The following PRKDC variants were observed in gnomAD, a reference collection of about 807,000 sequenced individuals.
PRKDC encodes DNA-dependent protein kinase catalytic subunit.
Under a neutral mutation model 486.9 loss-of-function variants are expected in PRKDC, and 82 were observed. That is an observed-to-expected ratio of 0.17 (90% CI 0.14 to 0.20). The LOEUF is 0.20. Among genes scored for constraint, PRKDC ranks in the 10% least tolerant of loss-of-function variants. The pLI, the probability that PRKDC is intolerant of heterozygous loss-of-function variation, is 1.00. For missense variants in PRKDC, 4,504 were observed against 5,038.2 expected (o/e 0.89, Z 3.21); for synonymous variants, 1,895 against 1,837.0 (o/e 1.03, Z -0.81).
intron 36 of PRKDC, among the ~76,000 whole-genome samples, chr8:47,885,272 C>A (rs1255364098): frequency 6.6e-6 from 1 of 152,118 alleles, no homozygotes; most frequent in Non-Finnish European, 1.5e-5. Context: ...CTGCCTCAGC[C>A]TCCTGAGTAG....
rs1381446193 is a variant in PRKDC at position 47,959,984 on chromosome 8, G to A, written c.143C>T (p.Pro48Leu). Residue 48 changes from proline (P) to leucine (L), a missense_variant, in exon 1 of 86, where the codon CCC becomes CTC. Coordinates refer to ENST00000314191, the MANE Select transcript of PRKDC (RefSeq NM_006904.7). ...LGQECVLSSS[P>L]AVLALQTSLV... ...GGGCCGGTACCCACCCAGCACCGCG[G>A]GGCTGCTGCTCAGGACGCATTCCTG... 6.5e-7 allele frequency: 1 copy of A among 1,535,076 alleles called. No homozygotes were observed. Among genetic ancestry groups the A allele is most frequent in the Non-Finnish European group, 8.7e-7 (1 of 1,146,762 alleles).
chr8:47,836,530 G>A lies in PRKDC; in HGVS notation c.7762-3C>T, dbSNP rs1328743185. On this transcript the variant is annotated splice_region_variant and splice_polypyrimidine_tract_variant and intron_variant, in intron 57 of 85. Coordinates refer to ENST00000314191, the MANE Select transcript of PRKDC (RefSeq NM_006904.7). ...CAATCAGAATCAATGGTATATTCCT[G>A]TACATAAGAAAGTTTCAAATGAAAT... 8.2e-6 allele frequency: 13 copies of A among 1,582,202 alleles called. No homozygotes were observed. Among genetic ancestry groups the A allele is most frequent in the Non-Finnish European group, 1.1e-5 (13 of 1,163,010 alleles).
At chr8:47,898,788 C>T (rs1240169581) in intron 28 of PRKDC, among the ~76,000 whole-genome samples, 1 of 152,250 alleles carries the variant, frequency 6.6e-6, no homozygotes, top group African/African-American at 2.4e-5. Context: ...TGCAGGATAG[C>T]ATGGTGCGTG....
At chr8:47,783,860 G>A (rs1662892726) in intron 77 of PRKDC, 51 bp from the exon 78 acceptor site, 1 of 1,559,696 alleles carries the variant, frequency 6.4e-7, no homozygotes, top group Non-Finnish European at 8.8e-7. Flanking sequence ...ACAACCGCCT[G>A]TATTTTAAAA....
intron 73 of PRKDC, among the ~76,000 whole-genome samples, chr8:47,795,761 G>C (rs2086973105): frequency 1.3e-5 from 2 of 152,088 alleles, no homozygotes; most frequent in South Asian, 4.1e-4. Flanking sequence ...CCAAAGTGCT[G>C]GGATTACAGG....
rs879335403 is a variant in PRKDC at position 47,785,736 on chromosome 8, TA to T, written c.10903-420del. Among the ~76,000 whole-genome samples the T allele has an allele frequency of 6.8e-3, 914 of 134,418 alleles. 6 individuals are homozygous for T. The highest frequency in any genetic ancestry group is 0.019 in the African/African-American group (694 of 36,650). 88.2% of individuals were successfully genotyped at this position (134,418 alleles called of 152,430 possible). A position where few individuals can be genotyped will look rare whatever the true frequency, so the allele number is the denominator to read the frequency against. ...GGGTATCCGAGTGAGACCGTGTCTC[TA>T]AAAAAAAAAAAAATTATAGTTTTGC... On this transcript the variant is annotated intron_variant, in intron 76 of 85. Coordinates refer to ENST00000314191, the MANE Select transcript of PRKDC (RefSeq NM_006904.7).
At chr8:47,901,561 G>A (rs1358589247) in intron 27 of PRKDC, among the ~76,000 whole-genome samples, 1 of 152,152 alleles carries the variant, frequency 6.6e-6, no homozygotes, top group African/African-American at 2.4e-5. Context: ...GAGCAGACTA[G>A]AGGAAAGCTA....
chr8:47,804,769 GT>G (rs1312309249), intron 69 of PRKDC, among the ~76,000 whole-genome samples: 1 of 151,924 alleles, frequency 6.6e-6, no homozygotes, highest in African/African-American at 2.4e-5. Flanking sequence ...GTTTTGTTTT[GT>G]TTTGTTTTTG....
At chr8:47,957,458 T>TAAGAGAGTGCC in intron 1 of PRKDC, 27 bp from the exon 2 acceptor site, 2 of 1,533,518 alleles carry the variant, frequency 1.3e-6, no homozygotes, top group South Asian at 2.4e-5. Flanking sequence ...GTAAACAAGT[T>TAAGAGAGTGCC]AAGAGAGTGC....
chr8:47,960,070 C>T lies in PRKDC; in HGVS notation c.57G>A (p.Leu19=), dbSNP rs1224820621. The change falls in exon 1 of 86, where the codon TTG becomes TTA. Residue 19 remains leucine, a synonymous_variant. Transcript: ENST00000314191. The part of the protein sequence containing the change: ...RCSLLRLQET[L]SAADRCGAAL... The stretch of plus-strand genomic sequence containing the variant: ...CAGCACCGCAGCGGTCCGCAGCGGA[C>T]AAGGTCTCCTGCAGCCGCAGCAGGG... 1.3e-6 allele frequency: 2 copies of T among 1,531,174 alleles called. No individual in the cohort carries two copies. Among genetic ancestry groups the T allele is most frequent in the Admixed American group, 3.9e-5 (2 of 50,900 alleles). 94.8% of individuals were successfully genotyped at this position (1,531,174 alleles called of 1,614,324 possible).
intron 73 of PRKDC, among the ~76,000 whole-genome samples, chr8:47,794,789 G>A (rs984816309): frequency 3.3e-5 from 5 of 152,130 alleles, no homozygotes; most frequent in South Asian, 2.1e-4. Context: ...TCCTCCTGGC[G>A]GCTATGTAGT....
chr8:47,859,625 G>A lies in PRKDC; in HGVS notation c.6193C>T (p.Arg2065Cys). Reference protein sequence around the residue: ...SSQDPRPATGRFRRREQRDPT... With the variant: ...SSQDPRPATGCFRRREQRDPT... ...AATGTGATCACCCGTCTCCGAAAAC[G>A]ACCAGTGGCAGGTCTAGGGTCTTGG... is the stretch of plus-strand genomic sequence containing the variant. The change falls in exon 46 of 86, where the codon CGT becomes TGT. Residue 2065 changes from arginine (R) to cysteine (C), a missense_variant. Around this residue, in one of 6 missense-constraint regions of PRKDC, gnomAD observed 1,592 missense variants for 1,724.6 expected, o/e 0.92. Coordinates refer to ENST00000314191, the MANE Select transcript of PRKDC (RefSeq NM_006904.7). 3 of 1,609,876 alleles carry A rather than the reference G, an allele frequency of 1.9e-6. No homozygotes were observed. Among genetic ancestry groups the A allele is most frequent in the African/African-American group, 1.3e-5 (1 of 74,848 alleles).
Position 47,789,060 on chromosome 8 carries a change from A to G in PRKDC, c.10759-11T>C, listed in dbSNP as rs373043773. ...ATCATTGCTCCAATCCTGTCAGGGGAAAAAAAAAGTAAGAAAAAAATCAAG... is the reference window on the plus strand; with the variant it reads ...ATCATTGCTCCAATCCTGTCAGGGGGAAAAAAAAGTAAGAAAAAAATCAAG... On this transcript the variant is annotated splice_polypyrimidine_tract_variant and intron_variant, in intron 75 of 85. Coordinates refer to ENST00000314191, the MANE Select transcript of PRKDC (RefSeq NM_006904.7). The G allele has an allele frequency of 4.3e-4, 678 of 1,586,956 alleles. 3 individuals carry two copies. The African/African-American group carries it at 8.0e-3, about 19-fold the overall frequency.
At chr8:47,950,055 T>C (rs1168715637) in intron 7 of PRKDC, among the ~76,000 whole-genome samples, 2 of 149,552 alleles carry the variant, frequency 1.3e-5, no homozygotes, top group Non-Finnish European at 3.0e-5. Flanking sequence ...GTGGATCACC[T>C]GAGGTCAGGA....
chr8:47,959,901 C>G (rs1278531368), intron 1 of PRKDC, 72 bp downstream of exon 1: 1 of 1,509,362 alleles, frequency 6.6e-7, no homozygotes. Context: ...CAGAGAAGCG[C>G]CGGGCTGCCC....
At chr8:47,886,702 T>C (rs1370828186) in intron 35 of PRKDC, among the ~76,000 whole-genome samples, 1 of 152,000 alleles carries the variant, frequency 6.6e-6, no homozygotes, top group African/African-American at 2.4e-5. Context: ...CTTGTTGTTT[T>C]TTAAAGACAG....
intron 56 of PRKDC, among the ~76,000 whole-genome samples, 190 bp from the exon 57 acceptor site, chr8:47,837,609 A>G (rs2154499789): frequency 6.6e-6 from 1 of 152,286 alleles, no homozygotes; most frequent in Admixed American, 6.5e-5. Flanking sequence ...GGAAGAGAAT[A>G]TTACAAAAAA....
At chr8:47,843,207 T>C (rs1246037877) in intron 54 of PRKDC, among the ~76,000 whole-genome samples, 1 of 152,144 alleles carries the variant, frequency 6.6e-6, no homozygotes, top group Non-Finnish European at 1.5e-5. Flanking sequence ...GGAACCAAAC[T>C]GAACTTCCGG....
At chr8:47,803,565 C>A in intron 69 of PRKDC, 85 bp from the exon 70 acceptor site, 1 of 1,253,070 alleles carries the variant, frequency 8.0e-7, no homozygotes, top group Non-Finnish European at 1.2e-6. Flanking sequence ...TCCCCCTTTG[C>A]ACGACACAAT....
Sources: allele counts gnomAD v4.1 joint callset (sites outside exome capture counted in the v4.1 genomes callset), GRCh38; gene constraint gnomAD v4.1.1; regional missense constraint gnomAD v4.1.1; transcripts MANE v1.5; gene names NCBI Gene and HGNC (gene_info 2026-07-23, HGNC 2026-07-21).